The following PLD1 variants were observed in gnomAD, a reference collection of about 807,000 sequenced individuals.
PLD1 encodes phospholipase D1.
Under a neutral mutation model 137.1 loss-of-function variants are expected in PLD1, and 112 were observed. The ratio of observed to expected loss-of-function variants is 0.82; its 90% CI spans 0.70 to 0.96. The LOEUF (loss-of-function observed/expected upper bound fraction) is 0.96, where lower values mean the gene tolerates loss of function less well. Ranked by LOEUF, PLD1 falls within the 40% of genes least tolerant of loss-of-function variation. The probability of loss-of-function intolerance (pLI) is 0.00; values close to 1 mark genes in which losing one functional copy is unlikely to be tolerated. For synonymous variants in PLD1, 431 were observed against 454.7 expected (o/e 0.95, Z 0.66); for missense variants, 1,321 against 1,342.0 (o/e 0.98, Z 0.24).
At chr3:171,669,199 T>G (rs1712476947) in intron 19 of PLD1, among the ~76,000 whole-genome samples, 1 of 152,154 alleles carries the variant, frequency 6.6e-6, no homozygotes. Flanking sequence ...GCCAGTGGCG[T>G]GTGACCAATG....
At chr3:171,660,591 ATTATT>A (rs1194910648) in intron 20 of PLD1, among the ~76,000 whole-genome samples, 1 of 151,498 alleles carries the variant, frequency 6.6e-6, no homozygotes, top group East Asian at 1.9e-4. Flanking sequence ...AGAAAAGCTG[ATTATT>A]TTATTTTTTA....
chr3:171,657,202 T>G (rs892547933), intron 21 of PLD1, among the ~76,000 whole-genome samples: 1 of 152,176 alleles, frequency 6.6e-6, no homozygotes, highest in Non-Finnish European at 1.5e-5. Flanking sequence ...AACAAATACA[T>G]GACCTACTCT....
chr3:171,660,446 T>A (rs937321114), intron 20 of PLD1, among the ~76,000 whole-genome samples: 1 of 152,226 alleles, frequency 6.6e-6, no homozygotes, highest in African/African-American at 2.4e-5. Flanking sequence ...TGTCCTTTAC[T>A]TCTCCTTTTT....
At chr3:171,724,587 G>A (rs1718363709) in intron 8 of PLD1, 109 bp downstream of exon 8, 1 of 658,794 alleles carries the variant, frequency 1.5e-6, no homozygotes, top group South Asian at 1.8e-5. Flanking sequence ...TTAAAAATTT[G>A]TTCTGCCATT....
intron 1 of PLD1, among the ~76,000 whole-genome samples, chr3:171,799,454 G>T (rs13093751): frequency 6.6e-6 from 1 of 151,074 alleles, no homozygotes; most frequent in African/African-American, 2.4e-5. Context: ...GTGAAACAAG[G>T]CCACCTAAGT....
At chr3:171,773,963 T>A (rs1409609986) in intron 1 of PLD1, among the ~76,000 whole-genome samples, 5 of 152,078 alleles carry the variant, frequency 3.3e-5, no homozygotes, top group Admixed American at 3.3e-4. Context: ...TTAGCCAGGA[T>A]GGTCTCGATC....
chr3:171,710,085 T>TG (rs371471336), intron 9 of PLD1, among the ~76,000 whole-genome samples: 1,544 of 152,082 alleles, frequency 0.01, 10 homozygotes, highest in Non-Finnish European at 0.018. Context: ...TTTTTTGAGA[T>TG]GGAGTCTCGC....
At chr3:171,680,167 G>T (rs1451400867) in intron 16 of PLD1, among the ~76,000 whole-genome samples, 1 of 146,328 alleles carries the variant, frequency 6.8e-6, no homozygotes, top group Non-Finnish European at 1.5e-5. Context: ...GCCTATCCTT[G>T]TTCTTCTTTC....
intron 1 of PLD1, among the ~76,000 whole-genome samples, chr3:171,767,233 G>C (rs551237789): frequency 6.6e-6 from 1 of 152,186 alleles, no homozygotes; most frequent in Admixed American, 6.5e-5. Flanking sequence ...AATGCAGTGG[G>C]CTATTCTCCA....
intron 16 of PLD1, among the ~76,000 whole-genome samples, chr3:171,682,903 T>C (rs944658483): frequency 6.6e-6 from 1 of 152,218 alleles, no homozygotes; most frequent in Non-Finnish European, 1.5e-5. Context: ...ACTGTTTTCA[T>C]TTTAAAAAAT....
rs138633020 is a variant in PLD1 at position 171,662,819 on chromosome 3, A to G, written c.2230-649T>C. On this transcript the variant is annotated intron_variant, in intron 19 of 26. Coordinates refer to ENST00000351298, the MANE Select transcript of PLD1 (RefSeq NM_002662.5). Reference sequence around the variant, plus strand: ...TTTAGTCTAAACTTTCTAATGGCATAATAAAGGAAATTAATCACAGGAAAG... The same window carrying G: ...TTTAGTCTAAACTTTCTAATGGCATGATAAAGGAAATTAATCACAGGAAAG... Among the ~76,000 whole-genome samples the G allele has an allele frequency of 2.6e-5, 4 of 152,338 alleles. No homozygotes were observed. The East Asian group carries it at 7.7e-4, about 29-fold the overall frequency.
chr3:171,702,767 A>C (rs1716357563), intron 11 of PLD1, among the ~76,000 whole-genome samples: 1 of 152,210 alleles, frequency 6.6e-6, no homozygotes, highest in Non-Finnish European at 1.5e-5. Flanking sequence ...AAACATTTAC[A>C]GAATTTATTA....
intron 16 of PLD1, 153 bp from the exon 17 acceptor site, chr3:171,677,847 T>C (rs1713549765): frequency 1.5e-6 from 1 of 657,824 alleles, no homozygotes; most frequent in Non-Finnish European, 2.5e-6. Context: ...GGCTGTGGGC[T>C]AACAAGGTTT....
rs867665436 is a variant in PLD1, at chr3:171,637,392, C to T, written c.2593+5448G>A. Among the ~76,000 whole-genome samples, 7 of 141,276 alleles carry T rather than the reference C, an allele frequency of 5.0e-5. No individual in the cohort carries two copies. The South Asian group carries it at 7.5e-4, about 15-fold the overall frequency. The allele number at this position is 141,276 out of a possible 152,430, so 92.7% of individuals were successfully genotyped here. Reference sequence around the variant, plus strand: ...CTGGGACTACAGGTGCATGCCACCACGCCCAGCTAATTTTTGCATTTTTAG... The same window carrying T: ...CTGGGACTACAGGTGCATGCCACCATGCCCAGCTAATTTTTGCATTTTTAG... On this transcript the variant is annotated intron_variant, in intron 23 of 26. Transcript: ENST00000351298.
In PLD1 at chr3:171,774,258, G is replaced by C. The variant is rs142128581; in HGVS notation, c.-32+36141C>G. On this transcript the variant is annotated intron_variant, in intron 1 of 26. Coordinates refer to ENST00000351298, the MANE Select transcript of PLD1 (RefSeq NM_002662.5). ...AAGGGCGGGGGAGACAGTGGATAAG[G>C]CCTGCACTGTGAACAGTCCTCATAA... Among the ~76,000 whole-genome samples, 126 of 152,292 alleles carry C rather than the reference G, an allele frequency of 8.3e-4. 3 individuals carry two copies. The East Asian group carries it at 0.018, about 22-fold the overall frequency.
At chr3:171,725,641 AT>A in intron 7 of PLD1, among the ~76,000 whole-genome samples, 1 of 152,234 alleles carries the variant, frequency 6.6e-6, no homozygotes, top group East Asian at 1.9e-4. Flanking sequence ...ACATAGTATT[AT>A]TTTAAAATAA....
At chr3:171,684,927 T>C (rs1356937304) in intron 16 of PLD1, among the ~76,000 whole-genome samples, 1 of 152,190 alleles carries the variant, frequency 6.6e-6, no homozygotes, top group Non-Finnish European at 1.5e-5. Flanking sequence ...TGTTATGATT[T>C]ATAGACACAA....
intron 20 of PLD1, among the ~76,000 whole-genome samples, chr3:171,660,367 T>C (rs1422782674): frequency 1.3e-5 from 2 of 152,196 alleles, no homozygotes; most frequent in Admixed American, 1.3e-4. Context: ...ATGTTTCTTT[T>C]TCTGAATTCA....
At position 171,621,420 on chromosome 3, in the gene PLD1, A is replaced by AT. The variant is rs373156874; in HGVS notation, c.2594-901dup. ...AAATTCTCATAGAAAGAGAGCATAC[A>AT]TTTTTTTTTGTCTTTAAGAGAATTT... On this transcript the variant is annotated intron_variant, in intron 23 of 26. Transcript: ENST00000351298. Among the ~76,000 whole-genome samples, 275 of 151,376 alleles carry AT rather than the reference A, an allele frequency of 1.8e-3. 1 individual carries two copies. The highest frequency in any genetic ancestry group is 5.7e-3 in the African/African-American group (235 of 41,286).
Sources: gnomAD v4.1 joint callset for allele counts (sites outside exome capture counted in the v4.1 genomes callset) on GRCh38, gnomAD v4.1.1 for gene constraint, MANE v1.5 for transcripts, NCBI Gene and HGNC (gene_info 2026-07-23, HGNC 2026-07-21) for gene names.